CRIP2: variants seen among roughly 807,000 people sequenced by gnomAD.
CRIP2 encodes the protein cysteine rich protein 2.
A neutral mutation model predicts 31.3 loss-of-function variants in CRIP2; 31 were observed. The observed-to-expected ratio is 0.99, with a 90% CI of 0.74 to 1.34. The LOEUF (loss-of-function observed/expected upper bound fraction) is 1.34, where lower values mean the gene tolerates loss of function less well. Ranked by LOEUF, CRIP2 falls within the 40% of genes most tolerant of loss-of-function variation. The probability of loss-of-function intolerance (pLI) is 0.00; values close to 1 mark genes in which losing one functional copy is unlikely to be tolerated. For synonymous variants in CRIP2, 177 were observed against 127.2 expected (o/e 1.39, Z -2.63); for missense variants, 389 against 301.6 (o/e 1.29, Z -2.15).
upstream of CRIP2, chr14:105,473,522 C>T (rs1482789519): frequency 1.2e-5 from 19 of 1,532,682 alleles, no homozygotes; most frequent in East Asian, 2.4e-5. Context: ...GGTAGGTCTC[C>T]GTGTCCAGCC....
At chr14:105,476,170 C>T in intron 1 of CRIP2, 1 of 985,506 alleles carries the variant, frequency 1.0e-6, no homozygotes, top group South Asian at 4.7e-5. Flanking sequence ...CAGGGCCCTT[C>T]TGCAGTCCAA....
chr14:105,478,867 C>T lies in CRIP2; in HGVS notation c.333C>T (p.Ser111=). Residue 111 remains serine (S), a synonymous_variant, in exon 4 of 8, where the codon AGC becomes AGT. Transcript: ENST00000329146. The surrounding 1 kb of genome is among the most constrained non-coding windows in gnomAD (Gnocchi z 4.9). ...RKASGPPKGP[S]RASSVTTFTG... ...CGAGCGGCCCCCCGAAGGGGCCCAGCAGAGGTGGGCTGGGCGCGGGCTGGG... is the reference window on the plus strand; with the variant it reads ...CGAGCGGCCCCCCGAAGGGGCCCAGTAGAGGTGGGCTGGGCGCGGGCTGGG... 1.4e-6 allele frequency: 2 copies of T among 1,437,306 alleles called. No homozygotes were observed. The highest frequency in any genetic ancestry group is 1.8e-6 in the Non-Finnish European group (2 of 1,106,572). 89.0% of individuals were successfully genotyped at this position (1,437,306 alleles called of 1,614,324 possible). A position where few individuals can be genotyped will look rare whatever the true frequency, so the allele number is the denominator to read the frequency against.
At chr14:105,473,327 C>A, upstream of CRIP2, 1 of 48,916 alleles carries the variant, frequency 2.0e-5, no homozygotes, top group Non-Finnish European at 3.0e-5. Flanking sequence ...GTCAGTCGGG[C>A]GGGGGGGCGG....
At chr14:105,475,945 C>A in intron 1 of CRIP2, 1 of 985,548 alleles carries the variant, frequency 1.0e-6, no homozygotes, top group Non-Finnish European at 1.2e-6. Flanking sequence ...CAGGGAAGGC[C>A]GCCACTGGGC....
At chr14:105,473,273 G>A (rs2083872388), upstream of CRIP2, 2 of 1,532,430 alleles carry the variant, frequency 1.3e-6, no homozygotes, top group Non-Finnish European at 8.7e-7. Flanking sequence ...CTTCTGCCTT[G>A]GCTGGCACAG....
chr14:105,477,933 TG>T, intron 1 of CRIP2, among the ~76,000 whole-genome samples: 1 of 57,442 alleles, frequency 1.7e-5, no homozygotes, highest in African/African-American at 3.5e-5. Context: ...CGCGGGCAGG[TG>T]TTGGAGCGCG....
chr14:105,474,411 G>A (rs1429873415), upstream of CRIP2: 6 of 151,664 alleles, frequency 4.0e-5, no homozygotes, highest in African/African-American at 9.7e-5. This position sits in a 1 kb window ranked among gnomAD's most constrained non-coding sequence, Gnocchi z 5.1. Context: ...TCCCGCGGCG[G>A]AGCGCAGCCT....
Position 105,478,696 on chromosome 14 carries a change from C to T in CRIP2, c.197-35C>T, listed in dbSNP as rs1555436483. 1.4e-6 allele frequency: 2 copies of T among 1,442,224 alleles called. No individual in the cohort carries two copies. Among genetic ancestry groups the T allele is most frequent in the African/African-American group, 2.9e-5 (2 of 69,772 alleles). The allele number at this position is 1,442,224 out of a possible 1,614,324, so 89.3% of individuals were successfully genotyped here. On this transcript the variant is annotated intron_variant, in intron 3 of 7. Coordinates refer to ENST00000329146, the MANE Select transcript of CRIP2 (RefSeq NM_001312.4). The surrounding 1 kb of genome is among the most constrained non-coding windows in gnomAD (Gnocchi z 4.9). ...ATGCCCGGTGGCCGCGGCCCCCACCCCACGTACCCCCGCCCCACGTACCCC... is the reference window on the plus strand; with the variant it reads ...ATGCCCGGTGGCCGCGGCCCCCACCTCACGTACCCCCGCCCCACGTACCCC...
intron 1 of CRIP2, chr14:105,476,365 G>A: frequency 2.0e-6 from 2 of 985,470 alleles, no homozygotes. Context: ...TGAGGGCGAG[G>A]GTCCAGAATC....
At chr14:105,473,159 C>A, upstream of CRIP2, 1 of 1,467,794 alleles carries the variant, frequency 6.8e-7, no homozygotes, top group Non-Finnish European at 9.2e-7. Flanking sequence ...GCCCATGAAT[C>A]CAGCCTGGGC....
intron 1 of CRIP2, chr14:105,477,637 C>A: frequency 1.2e-6 from 1 of 810,014 alleles, no homozygotes; most frequent in Non-Finnish European, 1.4e-6. Context: ...GAGGGAATGA[C>A]AGGTGGGGGA....
chr14:105,479,143 T>A lies in CRIP2; in HGVS notation c.425T>A (p.Leu142Gln). The part of the protein sequence containing the change: ...KVYFAEKVTS[L>Q]GKDWHRPCLR... ...TTTCCAGCTGAGAAGGTGACGTCTC[T>A]GGGCAAGGATTGGCACCGGCCCTGC... Residue 142 changes from leucine to glutamine, a missense_variant, in exon 6 of 8, where the codon CTG becomes CAG. Leu to Gln is a moderately radical substitution (Grantham distance 113). Coordinates refer to ENST00000329146, the MANE Select transcript of CRIP2 (RefSeq NM_001312.4). 6.2e-7 allele frequency: 1 copy of A among 1,611,558 alleles called. No homozygotes were observed. The highest frequency in any genetic ancestry group is 8.5e-7 in the Non-Finnish European group (1 of 1,179,438).
In CRIP2 at chr14:105,478,390, G is replaced by T; in HGVS notation, c.138+30G>T. On this transcript the variant is annotated intron_variant, in intron 2 of 7. Transcript: ENST00000329146. This position sits in a 1 kb window ranked among gnomAD's most constrained non-coding sequence, Gnocchi z 4.9. ...GCCCCACTGCGCGGCGCGGGCGGGG[G>T]CGGGGGTCGCGACTCCCGCCACCCT... 6.4e-7 allele frequency: 1 copy of T among 1,572,356 alleles called. No individual in the cohort carries two copies.
chr14:105,473,989 C>T (rs1419359843), upstream of CRIP2, among the ~76,000 whole-genome samples: 1 of 152,226 alleles, frequency 6.6e-6, no homozygotes, highest in Non-Finnish European at 1.5e-5. Flanking sequence ...AACTCCTCAC[C>T]GCCTCCCCGG....
rs1193714859 is a variant in CRIP2, at chr14:105,478,778, G to A, written c.244G>A (p.Ala82Thr). The stretch of plus-strand genomic sequence containing the variant: ...CTCCTACATCTACGAGAAGCCCCTG[G>A]CGGAGGGGCCGCAGGTCACCGGCCC... ...AGSYIYEKPL[A>T]EGPQVTGPIE... The change falls in exon 4 of 8, where the codon GCG becomes ACG. Residue 82 changes from alanine to threonine, a missense_variant. Coordinates refer to ENST00000329146, the MANE Select transcript of CRIP2 (RefSeq NM_001312.4). This position sits in a 1 kb window ranked among gnomAD's most constrained non-coding sequence, Gnocchi z 4.9. 6.3e-6 allele frequency: 9 copies of A among 1,432,804 alleles called. No individual in the cohort carries two copies. The highest frequency in any genetic ancestry group is 1.5e-5 in the African/African-American group (1 of 68,124). 88.8% of individuals were successfully genotyped at this position (1,432,804 alleles called of 1,614,324 possible).
At chr14:105,479,072 C>A (rs782759245) in intron 5 of CRIP2, 25 bp downstream of exon 5, 2 of 1,560,728 alleles carry the variant, frequency 1.3e-6, no homozygotes, top group South Asian at 1.2e-5. Flanking sequence ...GGGCCCCGGA[C>A]CCCCGCCCCC....
At position 105,479,666 on chromosome 14, in the gene CRIP2, C is replaced by G. The variant is rs782119152; in HGVS notation, c.*13C>G. 8.0e-5 allele frequency: 129 copies of G among 1,609,622 alleles called. No homozygotes were observed. The highest frequency in any genetic ancestry group is 1.7e-4 in the Middle Eastern group (1 of 6,042). ...GGTCCAGCCCTAGGCTACAGCGGCTCTCATGATGTGGGCTCACCTGCGCCC... is the reference window on the plus strand; with the variant it reads ...GGTCCAGCCCTAGGCTACAGCGGCTGTCATGATGTGGGCTCACCTGCGCCC... On this transcript the variant is annotated 3_prime_UTR_variant, in exon 8 of 8. Transcript: ENST00000329146.
At position 105,478,945 on chromosome 14, in the gene CRIP2, G is replaced by GGCCCC. The variant is rs1567063364; in HGVS notation, c.338-24_338-20dup. 5.6e-6 allele frequency: 8 copies of GGCCCC among 1,420,818 alleles called. No homozygotes were observed. The highest frequency in any genetic ancestry group is 5.0e-5 in the East Asian group (2 of 39,928). The allele number at this position is 1,420,818 out of a possible 1,614,324, so 88.0% of individuals were successfully genotyped here. On this transcript the variant is annotated intron_variant, in intron 4 of 7. Transcript: ENST00000329146. This position sits in a 1 kb window ranked among gnomAD's most constrained non-coding sequence, Gnocchi z 4.9. ...GGGGCTGGGGGTTGTGGGCACCCCC[G>GGCCCC]GCCCCGCCCCGCCCTGACTCGTGCG...
At chr14:105,479,090 C>T in intron 5 of CRIP2, 35 bp from the exon 6 acceptor site, 7 of 1,599,622 alleles carry the variant, frequency 4.4e-6, no homozygotes, top group Non-Finnish European at 6.0e-6. Context: ...CCCGCCCCCG[C>T]CCCGGGGCTC....
Sources: gnomAD v4.1 joint callset for allele counts (sites outside exome capture counted in the v4.1 genomes callset) on GRCh38, gnomAD v4.1.1 for gene constraint, Gnocchi (gnomAD v3.1) non-coding constraint, MANE v1.5 for transcripts, NCBI Gene and HGNC (gene_info 2026-07-23, HGNC 2026-07-21) for gene names.